ADAMTS2: variants seen among roughly 807,000 people sequenced by gnomAD.
ADAMTS2 encodes ADAM metallopeptidase with thrombospondin type 1 motif 2.
A neutral mutation model predicts 123.0 loss-of-function variants in ADAMTS2; 50 were observed. That is an observed-to-expected ratio of 0.41 (90% CI 0.32 to 0.51). The LOEUF (loss-of-function observed/expected upper bound fraction) is 0.51. ADAMTS2 is among the 20% of genes least tolerant of loss of function. The pLI, the probability that ADAMTS2 is intolerant of heterozygous loss-of-function variation, is 0.35. For missense variants in ADAMTS2, 1,494 were observed against 1,705.2 expected, an observed-to-expected ratio of 0.88 and a Z score of 2.18; for synonymous variants, 678 against 695.4, an observed-to-expected ratio of 0.98 and a Z score of 0.39.
chr5:179,339,046 T>C (rs944473913), intron 2 of ADAMTS2, among the ~76,000 whole-genome samples: 7 of 152,056 alleles, frequency 4.6e-5, no homozygotes, highest in African/African-American at 1.7e-4. Flanking sequence ...AAGCCCAACA[T>C]GGGGTCTGGA....
chr5:179,149,790 C>T (rs767157862), intron 10 of ADAMTS2, among the ~76,000 whole-genome samples: 48 of 152,314 alleles, frequency 3.2e-4, no homozygotes, highest in Non-Finnish European at 5.1e-4. Context: ...ATCCCCACAC[C>T]GAATCCTGAT....
rs576544587 is a variant in ADAMTS2 at position 179,314,620 on chromosome 5, G to A, written c.534+29147C>T. On this transcript the variant is annotated intron_variant, in intron 2 of 21. Coordinates refer to ENST00000251582, the MANE Select transcript of ADAMTS2 (RefSeq NM_014244.5). The surrounding 1 kb of genome is among the most constrained non-coding windows in gnomAD (Gnocchi z 4.5). ...ACTGTCTCCCTTTTACAGATGAGGT[G>A]AGACAGCATGCAGAGGCCCATGTGC... 6.6e-6 allele frequency among the ~76,000 whole-genome samples: 1 copy of A among 152,150 alleles called. No homozygotes were observed. Among genetic ancestry groups the A allele is most frequent in the Non-Finnish European group, 1.5e-5 (1 of 68,022 alleles).
In ADAMTS2 at chr5:179,118,206, TA is replaced by T. The variant is rs1391492976; in HGVS notation, c.3178+3454del. Among the ~76,000 whole-genome samples, 1 of 152,264 alleles carries T rather than the reference TA, an allele frequency of 6.6e-6. No individual in the cohort carries two copies. The highest frequency in any genetic ancestry group is 1.5e-5 in the Non-Finnish European group (1 of 68,006). On this transcript the variant is annotated intron_variant, in intron 21 of 21. Coordinates refer to ENST00000251582, the MANE Select transcript of ADAMTS2 (RefSeq NM_014244.5). This position sits in a 1 kb window ranked among gnomAD's most constrained non-coding sequence, Gnocchi z 4.5. ...CTGGCCAAGAGATTGACTATGCAAATAGCCTAGGAAAATTTCAAAATAGCCT... is the reference window on the plus strand; with the variant it reads ...CTGGCCAAGAGATTGACTATGCAAATGCCTAGGAAAATTTCAAAATAGCCT...
At position 179,155,338 on chromosome 5, in the gene ADAMTS2, T is replaced by G. The variant is rs1485218054; in HGVS notation, c.1133-419A>C. Among the ~76,000 whole-genome samples, 2 of 152,178 alleles carry G rather than the reference T, an allele frequency of 1.3e-5. No individual in the cohort carries two copies. The highest frequency in any genetic ancestry group is 4.8e-5 in the African/African-American group (2 of 41,452). On this transcript the variant is annotated intron_variant, in intron 6 of 21. Coordinates refer to ENST00000251582, the MANE Select transcript of ADAMTS2 (RefSeq NM_014244.5). This position sits in a 1 kb window ranked among gnomAD's most constrained non-coding sequence, Gnocchi z 5.1. ...TCCACACCTCTCTCTGCTAGAGGCA[T>G]CCTGCCCCTCGTCTGCCTGGTATCA... is the stretch of plus-strand genomic sequence containing the variant.
At position 179,308,745 on chromosome 5, in the gene ADAMTS2, C is replaced by T. The variant is rs988135298; in HGVS notation, c.534+35022G>A. Among the ~76,000 whole-genome samples the T allele has an allele frequency of 6.6e-6, 1 of 152,176 alleles. No homozygotes were observed. The highest frequency in any genetic ancestry group is 1.5e-5 in the Non-Finnish European group (1 of 68,022). On this transcript the variant is annotated intron_variant, in intron 2 of 21. Transcript: ENST00000251582. The surrounding 1 kb of genome is among the most constrained non-coding windows in gnomAD (Gnocchi z 6.6). ...TGGCGTCCTGAGTGGAAGCAGGGCGCGGGCTGCCATGGAACCCCACCCTCC... is the reference window on the plus strand; with the variant it reads ...TGGCGTCCTGAGTGGAAGCAGGGCGTGGGCTGCCATGGAACCCCACCCTCC...
In ADAMTS2 at chr5:179,189,510, G is replaced by GCTTTTTTTTTTTT. The variant is rs1554128903; in HGVS notation, c.892-8356_892-8355insAAAAAAAAAAAAG. Among the ~76,000 whole-genome samples the GCTTTTTTTTTTTT allele has an allele frequency of 5.2e-4, 41 of 78,954 alleles. 12 individuals carry two copies. Among genetic ancestry groups the GCTTTTTTTTTTTT allele is most frequent in the African/African-American group, 8.0e-4 (18 of 22,396 alleles). 51.8% of individuals were successfully genotyped at this position (78,954 alleles called of 152,430 possible). ...CTACAGGCGCCCGCCAGTGCGCCTG[G>GCTTTTTTTTTTTT]TTTTTTTTTTTTTTTTTTTTTTTTT... On this transcript the variant is annotated intron_variant, in intron 4 of 21. Transcript: ENST00000251582. This position sits in a 1 kb window ranked among gnomAD's most constrained non-coding sequence, Gnocchi z 4.2.
chr5:179,142,288 G>A (rs1763184873), intron 10 of ADAMTS2, among the ~76,000 whole-genome samples: 1 of 152,176 alleles, frequency 6.6e-6, no homozygotes, highest in Non-Finnish European at 1.5e-5. Context: ...TATCTGAAAT[G>A]CTCGGAACCA....
At chr5:179,224,258 G>T (rs1336886755) in intron 3 of ADAMTS2, among the ~76,000 whole-genome samples, 1 of 152,164 alleles carries the variant, frequency 6.6e-6, no homozygotes, top group Non-Finnish European at 1.5e-5. Flanking sequence ...TTTTTCTTGG[G>T]AGCTGTCGCC....
chr5:179,237,915 G>A (rs567542981), intron 3 of ADAMTS2, among the ~76,000 whole-genome samples: 5 of 152,306 alleles, frequency 3.3e-5, no homozygotes, highest in South Asian at 2.1e-4. Context: ...CATCGCTCCC[G>A]ACACGCACGC....
intron 5 of ADAMTS2, among the ~76,000 whole-genome samples, chr5:179,165,040 G>A (rs1763671047): frequency 6.6e-6 from 1 of 152,228 alleles, no homozygotes; most frequent in African/African-American, 2.4e-5. Flanking sequence ...CGCTACTGGA[G>A]GCAGTCGGAA....
intron 5 of ADAMTS2, among the ~76,000 whole-genome samples, chr5:179,168,569 A>T (rs1031104937): frequency 6.6e-6 from 1 of 152,214 alleles, no homozygotes; most frequent in Admixed American, 6.5e-5. Flanking sequence ...GAAGCTCTAC[A>T]AACAGTCACT....
At chr5:179,342,914 T>G (rs1425298354) in intron 2 of ADAMTS2, among the ~76,000 whole-genome samples, 1 of 152,140 alleles carries the variant, frequency 6.6e-6, no homozygotes, top group East Asian at 1.9e-4. Context: ...TTCCCAGAGC[T>G]CCAGTCACAG....
In ADAMTS2 at chr5:179,154,031, C is replaced by T; in HGVS notation, c.1382+18G>A. ...AGGGACTGAGGGGTCGCCCACGGGGCACATGGGCAGTACTCACTGCAGGTA... is the reference window on the plus strand; with the variant it reads ...AGGGACTGAGGGGTCGCCCACGGGGTACATGGGCAGTACTCACTGCAGGTA... On this transcript the variant is annotated intron_variant, in intron 8 of 21. Coordinates refer to ENST00000251582, the MANE Select transcript of ADAMTS2 (RefSeq NM_014244.5). The T allele has an allele frequency of 6.3e-7, 1 of 1,592,756 alleles. No homozygotes were observed.
At position 179,114,257 on chromosome 5, in the gene ADAMTS2, G is replaced by T; in HGVS notation, c.3246C>A (p.Ile1082=). The T allele has an allele frequency of 1.2e-6, 2 of 1,614,174 alleles. No homozygotes were observed. The highest frequency in any genetic ancestry group is 1.7e-6 in the Non-Finnish European group (2 of 1,180,014). The stretch of plus-strand genomic sequence containing the variant: ...TGCAGCACAGCTTGTTGTAGCCTGG[G>T]ATGGAGCAATAGCGGGACAAGACTT... ...RMEVLSRYCS[I]PGYNKLCCKS... The change falls in exon 22 of 22, where the codon ATC becomes ATA. Residue 1082 remains isoleucine (I), a synonymous_variant. Transcript: ENST00000251582.
chr5:179,187,939 A>G (rs1230382841), intron 4 of ADAMTS2, among the ~76,000 whole-genome samples: 9 of 152,086 alleles, frequency 5.9e-5, no homozygotes, highest in African/African-American at 1.4e-4. Context: ...AGTTTGCCTC[A>G]CTGGTGGCAG....
At chr5:179,336,629 A>G (rs1344380101) in intron 2 of ADAMTS2, among the ~76,000 whole-genome samples, 1 of 152,128 alleles carries the variant, frequency 6.6e-6, no homozygotes, top group East Asian at 1.9e-4. Context: ...CTTAGAGCTA[A>G]TGATATGCAG....
In ADAMTS2 at chr5:179,205,765, T is replaced by TATC. The variant is rs562667639; in HGVS notation, c.891+1747_891+1748insGAT. Among the ~76,000 whole-genome samples, 12 of 149,592 alleles carry TATC rather than the reference T, an allele frequency of 8.0e-5. No individual in the cohort carries two copies. In the South Asian group the frequency reaches 2.5e-3, roughly 32 times the overall value. On this transcript the variant is annotated intron_variant, in intron 4 of 21. Transcript: ENST00000251582. ...GCCATTATGGTTTTATTGTTATTAT[T>TATC]ATTATTATTATTATTATTATTTTTG...
At chr5:179,284,769 C>T (rs1755969942) in intron 2 of ADAMTS2, among the ~76,000 whole-genome samples, 1 of 152,194 alleles carries the variant, frequency 6.6e-6, no homozygotes, top group South Asian at 2.1e-4. Context: ...AAAAGAGTTT[C>T]TCAGATTTTT....
chr5:179,294,665 C>T (rs1003631258), intron 2 of ADAMTS2, among the ~76,000 whole-genome samples: 4 of 152,268 alleles, frequency 2.6e-5, no homozygotes, highest in African/African-American at 9.6e-5. Flanking sequence ...GCTGCACCCA[C>T]ATCCGCAGGG....
Sources: allele counts gnomAD v4.1 joint callset (sites outside exome capture counted in the v4.1 genomes callset), GRCh38; gene constraint gnomAD v4.1.1; non-coding constraint Gnocchi (gnomAD v3.1); transcripts MANE v1.5; gene names NCBI Gene and HGNC (gene_info 2026-07-23, HGNC 2026-07-21).